MTUS2: variants seen among roughly 807,000 people sequenced by gnomAD.
MTUS2 encodes the protein microtubule associated scaffold protein 2.
In MTUS2, 40 loss-of-function variants were observed where a neutral mutation model predicts 114.1. The ratio of observed to expected loss-of-function variants is 0.35; its 90% CI spans 0.27 to 0.46. The LOEUF is 0.46. Ranked by LOEUF, MTUS2 falls within the 20% of genes least tolerant of loss-of-function variation. The pLI is 1.00. For synonymous variants in MTUS2, 688 were observed against 672.0 expected, an observed-to-expected ratio of 1.02 and a Z score of -0.37; for missense variants, 1,679 against 1,705.4, an observed-to-expected ratio of 0.98 and a Z score of 0.27.
chr13:28,833,659 A>G (rs1874862812), intron 1 of MTUS2, among the ~76,000 whole-genome samples: 1 of 152,138 alleles, frequency 6.6e-6, no homozygotes, highest in South Asian at 2.1e-4. Flanking sequence ...AAGGATGTCT[A>G]CTGTTTTCAC....
At chr13:29,232,049 A>C (rs1896344119) in intron 5 of MTUS2, among the ~76,000 whole-genome samples, 2 of 152,158 alleles carry the variant, frequency 1.3e-5, no homozygotes, top group Non-Finnish European at 2.9e-5. Context: ...TTGGCCTAAG[A>C]GTTGTATAGG....
chr13:29,488,184 A>G (rs1335610233), intron 11 of MTUS2, 179 bp downstream of exon 11: 1 of 595,850 alleles, frequency 1.7e-6, no homozygotes, highest in Non-Finnish European at 3.0e-6. Context: ...GGATCCAGGT[A>G]GTTAGCTGCT....
At chr13:29,211,389 A>G (rs1319870790) in intron 5 of MTUS2, among the ~76,000 whole-genome samples, 6 of 152,282 alleles carry the variant, frequency 3.9e-5, no homozygotes, top group Admixed American at 2.0e-4. Flanking sequence ...AGCAAGCGGG[A>G]CTTTCAGGTT....
intron 8 of MTUS2, among the ~76,000 whole-genome samples, chr13:29,366,295 A>G (rs867347959): frequency 3.3e-5 from 5 of 151,542 alleles, no homozygotes; most frequent in Admixed American, 2.0e-4. Flanking sequence ...GTGCAGGGAA[A>G]CTCCCCTTTA....
chr13:29,297,584 T>A (rs1222699971), intron 6 of MTUS2, among the ~76,000 whole-genome samples: 1 of 152,214 alleles, frequency 6.6e-6, no homozygotes, highest in African/African-American at 2.4e-5. Context: ...TGCATTTTAC[T>A]GAAGTTACCT....
At chr13:29,289,806 T>C (rs1043466526) in intron 6 of MTUS2, among the ~76,000 whole-genome samples, 1 of 152,110 alleles carries the variant, frequency 6.6e-6, no homozygotes, top group Non-Finnish European at 1.5e-5. Context: ...TTTTAGAGGG[T>C]TAACTGGAAT....
intron 5 of MTUS2, among the ~76,000 whole-genome samples, chr13:29,225,865 T>C (rs1006513976): frequency 5.2e-4 from 79 of 152,336 alleles, no homozygotes; most frequent in African/African-American, 1.8e-3. Flanking sequence ...CTGTGTAATT[T>C]TTTTCAACAA....
chr13:29,015,084 A>G (rs979267851), intron 2 of MTUS2, among the ~76,000 whole-genome samples: 2 of 152,218 alleles, frequency 1.3e-5, no homozygotes, highest in African/African-American at 2.4e-5. Flanking sequence ...TGGAAAAGCA[A>G]TGTTGGAGGA....
At chr13:29,388,403 T>C (rs112305034) in intron 8 of MTUS2, among the ~76,000 whole-genome samples, 1,589 of 151,284 alleles carry the variant, frequency 0.011, 29 homozygotes, top group African/African-American at 0.036. Flanking sequence ...AACATAGGAA[T>C]CCAGCAAAGT....
chr13:29,006,826 C>G (rs1172976802), intron 2 of MTUS2, among the ~76,000 whole-genome samples: 1 of 152,186 alleles, frequency 6.6e-6, no homozygotes, highest in Non-Finnish European at 1.5e-5. Context: ...ATCTGTGACT[C>G]TCTTCTGATG....
At chr13:28,838,922 C>T (rs1207098324) in intron 1 of MTUS2, among the ~76,000 whole-genome samples, 1 of 152,020 alleles carries the variant, frequency 6.6e-6, no homozygotes, top group Non-Finnish European at 1.5e-5. Flanking sequence ...ACCATTGTTG[C>T]TCAGAAAAAT....
chr13:29,389,573 ATG>A (rs1410895230), intron 8 of MTUS2, among the ~76,000 whole-genome samples: 1 of 110,588 alleles, frequency 9.0e-6, no homozygotes, highest in Non-Finnish European at 2.0e-5. Context: ...ATGTGTACAT[ATG>A]TGTGTATACG....
At chr13:29,260,262 T>C (rs1897420383) in intron 5 of MTUS2, among the ~76,000 whole-genome samples, 1 of 152,222 alleles carries the variant, frequency 6.6e-6, no homozygotes, top group South Asian at 2.1e-4. Context: ...TATTTATGTT[T>C]TCAAGATATT....
At chr13:29,144,090 C>T (rs541085952) in intron 5 of MTUS2, among the ~76,000 whole-genome samples, 100 of 152,292 alleles carry the variant, frequency 6.6e-4, no homozygotes, top group African/African-American at 2.3e-3. Flanking sequence ...TAAATGAAGA[C>T]GCAGTCCCTC....
intron 2 of MTUS2, among the ~76,000 whole-genome samples, chr13:28,844,208 C>T (rs2137999537): frequency 6.6e-6 from 1 of 152,216 alleles, no homozygotes; most frequent in African/African-American, 2.4e-5. Flanking sequence ...GGGGAGTTTG[C>T]ATAGGGAGAT....
chr13:28,911,158 A>C, intron 2 of MTUS2, among the ~76,000 whole-genome samples: 1 of 141,852 alleles, frequency 7.0e-6, no homozygotes, highest in African/African-American at 2.6e-5. Context: ...TACAGGCATG[A>C]GCCACTGCGC....
intron 4 of MTUS2, among the ~76,000 whole-genome samples, chr13:29,078,923 T>C (rs1200007659): frequency 1.3e-5 from 2 of 152,226 alleles, no homozygotes; most frequent in Admixed American, 6.5e-5. Flanking sequence ...TATCTTTTCA[T>C]TGGAATATAC....
chr13:28,979,085 A>G (rs1037432092), intron 2 of MTUS2, among the ~76,000 whole-genome samples: 1 of 152,218 alleles, frequency 6.6e-6, no homozygotes, highest in Non-Finnish European at 1.5e-5. Flanking sequence ...TCCAGTGAAC[A>G]TTTTAGAATA....
intron 2 of MTUS2, among the ~76,000 whole-genome samples, chr13:28,872,713 C>T (rs1411585662): frequency 6.6e-6 from 1 of 152,066 alleles, no homozygotes; most frequent in African/African-American, 2.4e-5. Flanking sequence ...CCTCCTCTCC[C>T]CGGGGAGGGC....
Sources: allele counts gnomAD v4.1 joint callset (sites outside exome capture counted in the v4.1 genomes callset), GRCh38; gene constraint gnomAD v4.1.1; transcripts MANE v1.5; gene names NCBI Gene and HGNC (gene_info 2026-07-23, HGNC 2026-07-21).